Variants in SPATA6 observed in about 807,000 individuals in gnomAD.
The protein encoded by SPATA6 is spermatogenesis-associated protein 6.
SPATA6 carries 56 observed loss-of-function variants against 65.3 expected under a neutral mutation model. The observed-to-expected ratio is 0.86, with a 90% CI of 0.69 to 1.07. The LOEUF (loss-of-function observed/expected upper bound fraction) is 1.07. Among genes scored for constraint, SPATA6 ranks in the 50% least tolerant of loss-of-function variants. The pLI is 0.00. For missense variants in SPATA6, 590 were observed against 594.8 expected (o/e 0.99, Z 0.08); for synonymous variants, 199 against 213.2 (o/e 0.93, Z 0.58).
chr1:48,429,174 T>A (rs1278861024), intron 3 of SPATA6, among the ~76,000 whole-genome samples: 1 of 152,030 alleles, frequency 6.6e-6, no homozygotes. Context: ...TGGAGATTTA[T>A]ACTCTGCTCC....
At chr1:48,286,625 A>C in the SPATA6 span, among the ~76,000 whole-genome samples, 1 of 152,244 alleles carries the variant, frequency 6.6e-6, no homozygotes, top group East Asian at 1.9e-4. Context: ...CATCCTTCCA[A>C]TTTAGATGCC....
intron 9 of SPATA6, among the ~76,000 whole-genome samples, chr1:48,367,391 T>G (rs1248206738): frequency 3.9e-5 from 6 of 152,182 alleles, no homozygotes; most frequent in African/African-American, 1.2e-4. Context: ...ATGTTGACAG[T>G]GGGGTGTTAA....
intron 2 of SPATA6, 95 bp downstream of exon 2, chr1:48,452,899 T>TCA: frequency 7.2e-7 from 1 of 1,389,590 alleles, no homozygotes; most frequent in Non-Finnish European, 9.6e-7. Flanking sequence ...AAGCACACAG[T>TCA]CAGCAGTAAT....
chr1:48,354,266 C>T (rs886872293), intron 11 of SPATA6, among the ~76,000 whole-genome samples: 1 of 152,070 alleles, frequency 6.6e-6, no homozygotes, highest in Admixed American at 6.6e-5. Flanking sequence ...GGATGTGAAA[C>T]AAGTAGAACT....
rs536340702 is a variant in SPATA6 at position 48,435,227 on chromosome 1, C to T, written c.238+16325G>A. Among the ~76,000 whole-genome samples, 5 of 152,266 alleles carry T rather than the reference C, an allele frequency of 3.3e-5. No individual in the cohort carries two copies. In the East Asian group the frequency reaches 7.7e-4, roughly 23 times the overall value. ...TGAGAGGTGAAGCCAGCTGGACTCC[C>T]TGGGTCAAGTGGGGACTTGGAGAAC... On this transcript the variant is annotated intron_variant, in intron 3 of 12. Coordinates refer to ENST00000371847, the MANE Select transcript of SPATA6 (RefSeq NM_019073.4).
At chr1:48,365,597 G>T (rs1280674743) in intron 9 of SPATA6, among the ~76,000 whole-genome samples, 1 of 152,124 alleles carries the variant, frequency 6.6e-6, no homozygotes, top group Non-Finnish European at 1.5e-5. Flanking sequence ...TTGGCTGTTT[G>T]TCTGTTATTG....
chr1:48,314,875 G>T (rs151051898), intron 11 of SPATA6, among the ~76,000 whole-genome samples: 5 of 152,046 alleles, frequency 3.3e-5, no homozygotes, highest in Admixed American at 3.3e-4. Flanking sequence ...CCACCGATCC[G>T]ACAGAAATAC....
At chr1:48,467,232 T>G (rs576663430) in intron 1 of SPATA6, among the ~76,000 whole-genome samples, 1 of 152,254 alleles carries the variant, frequency 6.6e-6, no homozygotes, top group Admixed American at 6.5e-5. Flanking sequence ...AACCTTTCTA[T>G]GTTTTTACTT....
At chr1:48,285,621 AG>A in the SPATA6 span, among the ~76,000 whole-genome samples, 18 of 152,156 alleles carry the variant, frequency 1.2e-4, no homozygotes, top group Admixed American at 7.9e-4. Flanking sequence ...TCATAGTAAA[AG>A]AATAGTATCT....
chr1:48,284,888 C>T, the SPATA6 span, among the ~76,000 whole-genome samples: 4 of 152,182 alleles, frequency 2.6e-5, no homozygotes, highest in African/African-American at 9.6e-5. Flanking sequence ...CAGGTGTCTC[C>T]AGTCAGGAGA....
Position 48,366,545 on chromosome 1 carries a change from T to C in SPATA6, c.910-6775A>G, listed in dbSNP as rs558641989. Reference sequence around the variant, plus strand: ...TTGGGAGGGTGTATGTGTCTACGAATTTATCCATTTCTTCTAGATTTTCTA... The same window carrying C: ...TTGGGAGGGTGTATGTGTCTACGAACTTATCCATTTCTTCTAGATTTTCTA... On this transcript the variant is annotated intron_variant, in intron 9 of 12. Coordinates refer to ENST00000371847, the MANE Select transcript of SPATA6 (RefSeq NM_019073.4). 3.3e-5 allele frequency among the ~76,000 whole-genome samples: 5 copies of C among 152,366 alleles called. No individual in the cohort carries two copies. In the East Asian group the frequency reaches 7.7e-4, roughly 23 times the overall value.
chr1:48,457,740 T>A (rs1657119444), intron 1 of SPATA6, among the ~76,000 whole-genome samples: 1 of 151,958 alleles, frequency 6.6e-6, no homozygotes, highest in Non-Finnish European at 1.5e-5. Context: ...CTATCAAAAA[T>A]ACTTAAAGAG....
At chr1:48,359,534 T>C in intron 10 of SPATA6, 52 bp downstream of exon 10, 2 of 1,554,214 alleles carry the variant, frequency 1.3e-6, no homozygotes, top group Non-Finnish European at 8.7e-7. Context: ...CTTCCCCTTC[T>C]AATACTTATT....
the SPATA6 span, among the ~76,000 whole-genome samples, chr1:48,279,430 C>G: frequency 4.6e-5 from 7 of 152,104 alleles, no homozygotes; most frequent in South Asian, 2.1e-4. Context: ...CTGTATTCAG[C>G]AAACCCATCT....
chr1:48,462,558 G>T (rs1177177105), intron 1 of SPATA6, among the ~76,000 whole-genome samples: 4 of 152,042 alleles, frequency 2.6e-5, no homozygotes, highest in African/African-American at 9.7e-5. Context: ...TTACAAATGG[G>T]TAGATCATGC....
chr1:48,330,987 T>C (rs1251117503), intron 11 of SPATA6, among the ~76,000 whole-genome samples: 1 of 152,098 alleles, frequency 6.6e-6, no homozygotes, highest in Admixed American at 6.6e-5. Flanking sequence ...CAAGACCCAG[T>C]AGTAGACTAG....
chr1:48,436,385 C>T (rs1419442098), intron 3 of SPATA6: 2 of 1,611,666 alleles, frequency 1.2e-6, no homozygotes, highest in Non-Finnish European at 1.7e-6. Context: ...CCATTTATGG[C>T]CTATGGTTCA....
chr1:48,314,788 C>T (rs1228640267), intron 11 of SPATA6, among the ~76,000 whole-genome samples: 1 of 152,014 alleles, frequency 6.6e-6, no homozygotes, highest in Non-Finnish European at 1.5e-5. Context: ...AATTGATAGA[C>T]CGCTAGCAAC....
At chr1:48,303,514 A>C (rs1227571892) in intron 12 of SPATA6, among the ~76,000 whole-genome samples, 1 of 152,202 alleles carries the variant, frequency 6.6e-6, no homozygotes, top group Non-Finnish European at 1.5e-5. Context: ...AGATGAGAAC[A>C]TGCAACATTT....
Sources: gnomAD v4.1 joint callset for allele counts (sites outside exome capture counted in the v4.1 genomes callset) on GRCh38, gnomAD v4.1.1 for gene constraint, MANE v1.5 for transcripts, NCBI Gene and HGNC (gene_info 2026-07-23, HGNC 2026-07-21) for gene names.